MAF: variants seen among roughly 807,000 people sequenced by gnomAD.
The protein encoded by MAF is MAF bZIP transcription factor.
MAF carries 10 observed loss-of-function variants against 22.0 expected under a neutral mutation model. The observed-to-expected ratio is 0.45, with a 90% CI of 0.28 to 0.77. The LOEUF is 0.77. Among genes scored for constraint, MAF ranks in the 30% least tolerant of loss-of-function variants. The pLI is 0.12. For synonymous variants in MAF, 337 were observed against 255.8 expected (o/e 1.32, Z -3.03); for missense variants, 544 against 548.4 (o/e 0.99, Z 0.08).
At chr16:79,468,534 G>A in the MAF span, among the ~76,000 whole-genome samples, 1 of 152,220 alleles carries the variant, frequency 6.6e-6, no homozygotes, top group South Asian at 2.1e-4. Context: ...GACTGCACCT[G>A]CTGTCCCAGA....
At chr16:79,554,921 G>A in the MAF span, among the ~76,000 whole-genome samples, 3 of 152,130 alleles carry the variant, frequency 2.0e-5, no homozygotes, top group African/African-American at 7.2e-5. Flanking sequence ...TACACACAAA[G>A]TGCTCCACTG....
chr16:79,279,883 C>T, the MAF span, among the ~76,000 whole-genome samples: 1 of 152,162 alleles, frequency 6.6e-6, no homozygotes, highest in Non-Finnish European at 1.5e-5. Context: ...GCCTATTCTT[C>T]ATAAAAAGGC....
chr16:79,485,082 A>T, the MAF span, among the ~76,000 whole-genome samples: 1 of 152,184 alleles, frequency 6.6e-6, no homozygotes, highest in Non-Finnish European at 1.5e-5. Context: ...AACCTGATAA[A>T]TAAGTCAAAG....
At position 79,600,042 on chromosome 16, in the gene MAF, C is replaced by G; in HGVS notation, c.-140G>C. On this transcript the variant is annotated 5_prime_UTR_variant, in exon 1 of 2. Coordinates refer to ENST00000326043, the MANE Select transcript of MAF (RefSeq NM_005360.5). ...TTCTAGCTTGCGCGGCGGTGGCTGG[C>G]CCGAAACCTCCGAGCGCGCTCACAC... is the stretch of plus-strand genomic sequence containing the variant. 8.3e-7 allele frequency: 1 copy of G among 1,202,068 alleles called. No homozygotes were observed. Among genetic ancestry groups the G allele is most frequent in the South Asian group, 1.4e-5 (1 of 70,782 alleles). 74.5% of individuals were successfully genotyped at this position (1,202,068 alleles called of 1,614,324 possible).
At chr16:79,240,859 A>G in the MAF span, among the ~76,000 whole-genome samples, 2 of 152,054 alleles carry the variant, frequency 1.3e-5, no homozygotes, top group Non-Finnish European at 2.9e-5. Context: ...ACAGGCAGCC[A>G]TCTTTGCTGT....
At chr16:79,585,612 T>C (rs1912789059), downstream of MAF, among the ~76,000 whole-genome samples, 1 of 152,168 alleles carries the variant, frequency 6.6e-6, no homozygotes, top group Non-Finnish European at 1.5e-5. Flanking sequence ...ACATAACACA[T>C]GGATATAATG....
At chr16:79,465,199 C>G in the MAF span, among the ~76,000 whole-genome samples, 64 of 152,188 alleles carry the variant, frequency 4.2e-4, no homozygotes, top group Admixed American at 4.2e-3. Flanking sequence ...TGCTCAAATC[C>G]TTTATATGAA....
the MAF span, among the ~76,000 whole-genome samples, chr16:79,343,334 T>A: frequency 1.3e-5 from 2 of 152,190 alleles, no homozygotes; most frequent in Admixed American, 1.3e-4. Context: ...ACTTCCTATG[T>A]TAGCCTCTGA....
At chr16:79,266,353 A>G in the MAF span, among the ~76,000 whole-genome samples, 5 of 152,074 alleles carry the variant, frequency 3.3e-5, no homozygotes, top group African/African-American at 1.2e-4. Context: ...ACCATGGATA[A>G]GGGGGGACTA....
the MAF span, among the ~76,000 whole-genome samples, chr16:79,554,613 G>T: frequency 6.6e-6 from 1 of 152,194 alleles, no homozygotes; most frequent in African/African-American, 2.4e-5. Flanking sequence ...CTACTGATGC[G>T]GCCCAGTGAC....
At chr16:79,507,342 T>C in the MAF span, among the ~76,000 whole-genome samples, 1 of 151,584 alleles carries the variant, frequency 6.6e-6, no homozygotes, top group Non-Finnish European at 1.5e-5. Flanking sequence ...GGTCTTGATC[T>C]CCTGACATTG....
At chr16:79,452,981 C>G in the MAF span, among the ~76,000 whole-genome samples, 2 of 152,208 alleles carry the variant, frequency 1.3e-5, no homozygotes, top group African/African-American at 2.4e-5. Context: ...GGAGGTTTAT[C>G]TGTTACTTTT....
At chr16:79,463,283 G>A in the MAF span, among the ~76,000 whole-genome samples, 292 of 152,316 alleles carry the variant, frequency 1.9e-3, 2 homozygotes, top group Non-Finnish European at 3.2e-3. Context: ...CACACACCAT[G>A]GTAGGTACTG....
At chr16:79,534,800 A>G in the MAF span, among the ~76,000 whole-genome samples, 5 of 152,220 alleles carry the variant, frequency 3.3e-5, no homozygotes, top group East Asian at 5.8e-4. Flanking sequence ...TCTTCAGTGT[A>G]CTGACTGTAA....
chr16:79,584,795 T>G (rs1056105110), downstream of MAF, among the ~76,000 whole-genome samples: 20 of 152,160 alleles, frequency 1.3e-4, no homozygotes, highest in African/African-American at 4.8e-4. Context: ...CATCCAAGAC[T>G]AGAAAATAAA....
chr16:79,321,427 G>A, the MAF span, among the ~76,000 whole-genome samples: 2 of 152,224 alleles, frequency 1.3e-5, no homozygotes, highest in African/African-American at 4.8e-5. Flanking sequence ...TCCAGAGGAA[G>A]AGAGGGAAAG....
At chr16:79,546,603 C>G in the MAF span, among the ~76,000 whole-genome samples, 1 of 152,102 alleles carries the variant, frequency 6.6e-6, no homozygotes, top group Non-Finnish European at 1.5e-5. Flanking sequence ...TTAACTCATT[C>G]TTTGAAGAAG....
chr16:79,477,406 G>T, the MAF span, among the ~76,000 whole-genome samples: 1 of 151,628 alleles, frequency 6.6e-6, no homozygotes, highest in African/African-American at 2.4e-5. Context: ...AATAAAGAAG[G>T]CCAGCCTCCA....
At chr16:79,422,257 CGAA>C in the MAF span, among the ~76,000 whole-genome samples, 1 of 152,078 alleles carries the variant, frequency 6.6e-6, no homozygotes, top group Non-Finnish European at 1.5e-5. Context: ...TTCATGGTTG[CGAA>C]GAATTAGGTT....
Sources: allele counts gnomAD v4.1 joint callset (sites outside exome capture counted in the v4.1 genomes callset), GRCh38; gene constraint gnomAD v4.1.1; transcripts MANE v1.5; gene names NCBI Gene and HGNC (gene_info 2026-07-23, HGNC 2026-07-21).